The following AFAP1L1 variants were observed in gnomAD, a reference collection of about 807,000 sequenced individuals.
AFAP1L1 encodes the protein actin filament associated protein 1 like 1.
Under a neutral mutation model 99.8 loss-of-function variants are expected in AFAP1L1, and 77 were observed. That is an observed-to-expected ratio of 0.77 (90% CI 0.64 to 0.93). The LOEUF is 0.93. AFAP1L1 is among the 40% of genes least tolerant of loss of function. The probability of loss-of-function intolerance (pLI) is 0.00; values close to 1 mark genes in which losing one functional copy is unlikely to be tolerated. For synonymous variants in AFAP1L1, 373 were observed against 395.3 expected (o/e 0.94, Z 0.67); for missense variants, 893 against 996.8 (o/e 0.90, Z 1.40).
chr5:149,277,860 C>G (rs116374644), intron 1 of AFAP1L1, among the ~76,000 whole-genome samples: 1 of 152,138 alleles, frequency 6.6e-6, no homozygotes, highest in Non-Finnish European at 1.5e-5. Context: ...AGGAGTCATA[C>G]GGGGCCGTAT....
intron 7 of AFAP1L1, 137 bp downstream of exon 7, chr5:149,307,750 T>A: frequency 2.3e-6 from 2 of 851,142 alleles, no homozygotes; most frequent in East Asian, 5.4e-5. Context: ...GGCCCCATGC[T>A]CCCAAGATCA....
At chr5:149,305,136 G>A (rs1242696648) in intron 5 of AFAP1L1, among the ~76,000 whole-genome samples, 3 of 152,236 alleles carry the variant, frequency 2.0e-5, no homozygotes, top group African/African-American at 7.2e-5. Flanking sequence ...CACTTGTTTA[G>A]CACATTGTGT....
chr5:149,318,534 C>T (rs1756862038), intron 12 of AFAP1L1, among the ~76,000 whole-genome samples: 1 of 152,174 alleles, frequency 6.6e-6, no homozygotes, highest in Non-Finnish European at 1.5e-5. Context: ...ATTCTGCATA[C>T]TTTTGTTTTT....
chr5:149,312,943 A>G (rs974931466), intron 9 of AFAP1L1, among the ~76,000 whole-genome samples: 10 of 151,886 alleles, frequency 6.6e-5, no homozygotes, highest in African/African-American at 2.2e-4. Flanking sequence ...CCTGACCAAC[A>G]TGGAGAAACC....
intron 7 of AFAP1L1, among the ~76,000 whole-genome samples, chr5:149,309,482 C>T (rs963104195): frequency 6.6e-6 from 1 of 152,016 alleles, no homozygotes; most frequent in Admixed American, 6.6e-5. Context: ...TTTCTCTTTT[C>T]GTAATATCAT....
At chr5:149,321,101 C>G (rs1031841329) in intron 14 of AFAP1L1, among the ~76,000 whole-genome samples, 7 of 152,126 alleles carry the variant, frequency 4.6e-5, no homozygotes. Flanking sequence ...ATTAAGCTGC[C>G]GAGGACAACA....
intron 1 of AFAP1L1, among the ~76,000 whole-genome samples, chr5:149,273,728 T>C (rs1338937727): frequency 6.6e-6 from 1 of 152,068 alleles, no homozygotes; most frequent in African/African-American, 2.4e-5. Context: ...TCCCACCTCC[T>C]GCATAATGCG....
intron 15 of AFAP1L1, among the ~76,000 whole-genome samples, chr5:149,324,763 G>A (rs1757048097): frequency 6.6e-6 from 1 of 152,234 alleles, no homozygotes; most frequent in South Asian, 2.1e-4. Context: ...TGCCTGGCAA[G>A]TTTGTGCTGG....
chr5:149,278,459 G>A (rs1373986072), intron 1 of AFAP1L1, among the ~76,000 whole-genome samples: 1 of 152,076 alleles, frequency 6.6e-6, no homozygotes, highest in Non-Finnish European at 1.5e-5. Flanking sequence ...CCTTTCTGAT[G>A]TATTCTCCTA....
At chr5:149,278,022 A>G (rs962682316) in intron 1 of AFAP1L1, among the ~76,000 whole-genome samples, 1 of 152,200 alleles carries the variant, frequency 6.6e-6, no homozygotes, top group African/African-American at 2.4e-5. Flanking sequence ...CCGTTTTCAC[A>G]TGAGTAAGCA....
chr5:149,284,123 G>A (rs577445401), intron 1 of AFAP1L1, among the ~76,000 whole-genome samples: 3 of 152,366 alleles, frequency 2.0e-5, no homozygotes, highest in East Asian at 3.9e-4. Flanking sequence ...TGCTCAGAAA[G>A]CAAAGCGGGG....
In AFAP1L1 at chr5:149,277,582, G is replaced by T. The variant is rs550911650; in HGVS notation, c.16+5598G>T. Among the ~76,000 whole-genome samples the T allele has an allele frequency of 4.9e-4, 75 of 152,272 alleles. No homozygotes were observed. The South Asian group carries it at 0.015, about 31-fold the overall frequency. On this transcript the variant is annotated intron_variant, in intron 1 of 18. Transcript: ENST00000296721. ...ATTTCCTACTCCTTCTATGGTAATG[G>T]TCTTTTGAAAGGAACCCTTATCCAT...
chr5:149,279,931 T>C (rs753668038), intron 1 of AFAP1L1, among the ~76,000 whole-genome samples: 1 of 152,196 alleles, frequency 6.6e-6, no homozygotes, highest in Non-Finnish European at 1.5e-5. Context: ...CAATCACAGT[T>C]CACTGTGGGC....
In AFAP1L1 at chr5:149,300,966, G is replaced by C. The variant is rs185620982; in HGVS notation, c.230-167G>C. 3.3e-5 allele frequency among the ~76,000 whole-genome samples: 5 copies of C among 152,290 alleles called. No homozygotes were observed. The East Asian group carries it at 7.7e-4, about 24-fold the overall frequency. ...ACAAGGCAGGCATCATTGCCACCAC[G>C]TACAGATGAGTTTCAGAGTCAAAAG... On this transcript the variant is annotated intron_variant, in intron 3 of 18. Transcript: ENST00000296721.
intron 1 of AFAP1L1, among the ~76,000 whole-genome samples, chr5:149,290,029 C>T (rs1052355884): frequency 1.3e-5 from 2 of 152,128 alleles, no homozygotes; most frequent in East Asian, 1.9e-4. Context: ...GTCAGGAGAT[C>T]GAGACCATCC....
At position 149,320,310 on chromosome 5, in the gene AFAP1L1, A is replaced by G. The variant is rs1756914905; in HGVS notation, c.1626-81A>G. On this transcript the variant is annotated intron_variant, in intron 13 of 18. Coordinates refer to ENST00000296721, the MANE Select transcript of AFAP1L1 (RefSeq NM_152406.4). This position sits in a 1 kb window ranked among gnomAD's most constrained non-coding sequence, Gnocchi z 4.0. ...GCCTTAAGAGTTTCTGCCAGAATCA[A>G]TGAGAGTGAGGACACGAAAGCACTG... is the stretch of plus-strand genomic sequence containing the variant. 5 of 1,370,592 alleles carry G rather than the reference A, an allele frequency of 3.6e-6. No individual in the cohort carries two copies. Among genetic ancestry groups the G allele is most frequent in the African/African-American group, 1.4e-5 (1 of 70,106 alleles). 84.9% of individuals were successfully genotyped at this position (1,370,592 alleles called of 1,614,324 possible).
At chr5:149,292,273 A>G (rs1283568933) in intron 1 of AFAP1L1, among the ~76,000 whole-genome samples, 1 of 152,236 alleles carries the variant, frequency 6.6e-6, no homozygotes, top group African/African-American at 2.4e-5. Context: ...ATCTCTAAAT[A>G]AATCTGACCT....
At chr5:149,307,687 G>A (rs1051429086) in intron 7 of AFAP1L1, 74 bp downstream of exon 7, 6 of 1,456,794 alleles carry the variant, frequency 4.1e-6, no homozygotes, top group Non-Finnish European at 5.7e-6. Context: ...ACATACATGT[G>A]GATATGTCTG....
Position 149,307,626 on chromosome 5 carries a change from C to G in AFAP1L1, c.747+13C>G. ...GGACCAGCTCCTGGTGAGTGGTCAG[C>G]AGCAGCCATGTGCCTCGGCCTCACA... On this transcript the variant is annotated intron_variant, in intron 7 of 18. Coordinates refer to ENST00000296721, the MANE Select transcript of AFAP1L1 (RefSeq NM_152406.4). 1 of 1,611,296 alleles carries G rather than the reference C, an allele frequency of 6.2e-7. No homozygotes were observed. Among genetic ancestry groups the G allele is most frequent in the East Asian group, 2.2e-5 (1 of 44,824 alleles).
Sources: allele counts gnomAD v4.1 joint callset (sites outside exome capture counted in the v4.1 genomes callset), GRCh38; gene constraint gnomAD v4.1.1; non-coding constraint Gnocchi (gnomAD v3.1); transcripts MANE v1.5; gene names NCBI Gene and HGNC (gene_info 2026-07-23, HGNC 2026-07-21).